Variants in MANBA observed in about 807,000 individuals in gnomAD.
MANBA encodes beta-mannosidase.
A neutral mutation model predicts 111.1 loss-of-function variants in MANBA; 83 were observed. The ratio of observed to expected loss-of-function variants is 0.75; its 90% CI spans 0.63 to 0.90. MANBA has a LOEUF of 0.90. Ranked by LOEUF, MANBA falls within the 40% of genes least tolerant of loss-of-function variation. MANBA has a pLI of 0.00. For missense variants in MANBA, 1,036 were observed against 1,069.0 expected, an observed-to-expected ratio of 0.97 and a Z score of 0.43; for synonymous variants, 370 against 378.7, an observed-to-expected ratio of 0.98 and a Z score of 0.27.
At position 102,731,524 on chromosome 4, in the gene MANBA, C is replaced by T. The variant is rs116798359; in HGVS notation, c.178-4841G>A. Among the ~76,000 whole-genome samples the T allele has an allele frequency of 5.8e-3, 880 of 152,282 alleles. 6 individuals carry two copies. The highest frequency in any genetic ancestry group is 0.019 in the African/African-American group (793 of 41,558). ...TTAACATCAGGTTTCTTATATTATC[C>T]TACCTCAGGTCAGCAAACTGCCACC... On this transcript the variant is annotated intron_variant, in intron 1 of 16. Transcript: ENST00000647097.
intron 5 of MANBA, among the ~76,000 whole-genome samples, chr4:102,700,909 A>G (rs1733001188): frequency 6.6e-6 from 1 of 151,950 alleles, no homozygotes; most frequent in African/African-American, 2.4e-5. Flanking sequence ...ATTCCTGGGT[A>G]TCCTTGTTAA....
intron 5 of MANBA, among the ~76,000 whole-genome samples, chr4:102,697,578 A>T (rs888178744): frequency 7.2e-6 from 1 of 138,800 alleles, no homozygotes; most frequent in Non-Finnish European, 1.5e-5. Flanking sequence ...TCATTGTTCA[A>T]TTCCCACCTA....
chr4:102,700,559 T>C lies in MANBA; in HGVS notation c.674-9788A>G, dbSNP rs867609712. 4.0e-3 allele frequency among the ~76,000 whole-genome samples: 607 copies of C among 152,256 alleles called. 6 individuals are homozygous for C. Among genetic ancestry groups the C allele is most frequent in the African/African-American group, 0.012 (512 of 41,546 alleles). ...GTCCCAGAGATTCTGGTATGTTGTG[T>C]CTTTGTTCTCGTTGGTTTCAAAAAA... On this transcript the variant is annotated intron_variant, in intron 5 of 16. Coordinates refer to ENST00000647097, the MANE Select transcript of MANBA (RefSeq NM_005908.4).
At chr4:102,703,524 C>T (rs757303965) in intron 5 of MANBA, among the ~76,000 whole-genome samples, 2 of 152,278 alleles carry the variant, frequency 1.3e-5, no homozygotes, top group Non-Finnish European at 2.9e-5. Context: ...GGTCATGCAA[C>T]CTCTGGCTCC....
rs562861488 is a variant in MANBA, at chr4:102,755,968, T to G, written c.177+4750A>C. Among the ~76,000 whole-genome samples the G allele has an allele frequency of 2.0e-3, 307 of 152,146 alleles. 11 individuals carry two copies. In the South Asian group the frequency reaches 0.053, roughly 26 times the overall value. ...AGAATGGTGATCATTAAAAAGTCAG[T>G]AAACAACAGGTGCTGGAGAGGATGT... is the stretch of plus-strand genomic sequence containing the variant. On this transcript the variant is annotated intron_variant, in intron 1 of 16. Transcript: ENST00000647097.
At chr4:102,652,182 A>G (rs1260452500) in intron 12 of MANBA, among the ~76,000 whole-genome samples, 1 of 152,208 alleles carries the variant, frequency 6.6e-6, no homozygotes, top group African/African-American at 2.4e-5. Flanking sequence ...AGTGCTATAG[A>G]ACACCAGAAC....
Position 102,759,839 on chromosome 4 carries a change from C to T in MANBA, c.177+879G>A, listed in dbSNP as rs147420141. On this transcript the variant is annotated intron_variant, in intron 1 of 16. Coordinates refer to ENST00000647097, the MANE Select transcript of MANBA (RefSeq NM_005908.4). ...TCTGTGTTCCATAATTCCATATTAT[C>T]CATAAAATTCAGATATGAACACTTA... 7.4e-4 allele frequency among the ~76,000 whole-genome samples: 113 copies of T among 152,240 alleles called. 2 individuals are homozygous for T. Among genetic ancestry groups the T allele is most frequent in the African/African-American group, 2.6e-3 (109 of 41,550 alleles).
At chr4:102,698,075 T>C (rs545335483) in intron 5 of MANBA, among the ~76,000 whole-genome samples, 2 of 152,048 alleles carry the variant, frequency 1.3e-5, no homozygotes, top group East Asian at 1.9e-4. Context: ...TGGTATCTCA[T>C]TGTGGTTTTG....
chr4:102,644,157 C>G (rs1173363639), intron 13 of MANBA, among the ~76,000 whole-genome samples: 1 of 152,136 alleles, frequency 6.6e-6, no homozygotes, highest in Non-Finnish European at 1.5e-5. Flanking sequence ...AAACATGATT[C>G]TTCCTCCCAT....
At chr4:102,732,792 C>G (rs1723077445) in intron 1 of MANBA, among the ~76,000 whole-genome samples, 1 of 152,186 alleles carries the variant, frequency 6.6e-6, no homozygotes, top group South Asian at 2.1e-4. Flanking sequence ...GTTGAAGAGG[C>G]ACCTAATTAT....
intron 14 of MANBA, among the ~76,000 whole-genome samples, chr4:102,637,062 A>C (rs1427574821): frequency 6.6e-6 from 1 of 152,170 alleles, no homozygotes; most frequent in Non-Finnish European, 1.5e-5. Context: ...ACCCACTGCC[A>C]TGTAAGAAGT....
At chr4:102,751,790 G>T (rs756577590) in intron 1 of MANBA, 9 of 519,384 alleles carry the variant, frequency 1.7e-5, no homozygotes, top group Non-Finnish European at 3.1e-5. Context: ...TGGAAAGAAA[G>T]TCAATAATGA....
intron 8 of MANBA, among the ~76,000 whole-genome samples, chr4:102,672,710 G>A (rs138704541): frequency 3.0e-4 from 45 of 152,228 alleles, no homozygotes; most frequent in Middle Eastern, 3.4e-3. Flanking sequence ...TCAGATCAGC[G>A]GCAGCATTAG....
At chr4:102,723,712 G>A (rs1367120577) in intron 3 of MANBA, 150 bp downstream of exon 3, 2 of 610,486 alleles carry the variant, frequency 3.3e-6, no homozygotes, top group East Asian at 2.8e-5. Flanking sequence ...CCACAAATGT[G>A]GCAACTGAGA....
chr4:102,695,279 GA>G (rs1193559200), intron 5 of MANBA, among the ~76,000 whole-genome samples: 1 of 151,440 alleles, frequency 6.6e-6, no homozygotes, highest in Non-Finnish European at 1.5e-5. Context: ...CAAAAAAAAA[GA>G]AAAAAAGCTT....
chr4:102,756,436 G>GTAA (rs1272392116), intron 1 of MANBA, among the ~76,000 whole-genome samples: 3 of 152,008 alleles, frequency 2.0e-5, no homozygotes, highest in Non-Finnish European at 2.9e-5. Context: ...GAACACTTGG[G>GTAA]CACAGGATGG....
chr4:102,648,143 T>C (rs1279227858), intron 13 of MANBA, among the ~76,000 whole-genome samples: 2 of 151,916 alleles, frequency 1.3e-5, no homozygotes, highest in Middle Eastern at 3.2e-3. Flanking sequence ...AAAAGTAAAA[T>C]GAAACCATTA....
At chr4:102,756,268 T>A (rs1222881500) in intron 1 of MANBA, among the ~76,000 whole-genome samples, 1 of 152,192 alleles carries the variant, frequency 6.6e-6, no homozygotes, top group East Asian at 1.9e-4. Flanking sequence ...ATGTGGCACA[T>A]ATACACCATG....
chr4:102,736,930 C>T (rs570567416), intron 1 of MANBA, among the ~76,000 whole-genome samples: 32 of 152,246 alleles, frequency 2.1e-4, no homozygotes, highest in Non-Finnish European at 4.3e-4. Flanking sequence ...CCTCCAAACA[C>T]ACATCCCCTC....
Sources: gnomAD v4.1 joint callset for allele counts (sites outside exome capture counted in the v4.1 genomes callset) on GRCh38, gnomAD v4.1.1 for gene constraint, MANE v1.5 for transcripts, NCBI Gene and HGNC (gene_info 2026-07-23, HGNC 2026-07-21) for gene names.